The following ENOX1 variants were observed in gnomAD, a reference collection of about 807,000 sequenced individuals.
ENOX1 encodes the protein candidate growth-related and time keeping constitutive hydroquinone (NADH) oxidase.
A neutral mutation model predicts 82.5 loss-of-function variants in ENOX1; 42 were observed. The observed-to-expected ratio is 0.51, with a 90% CI of 0.40 to 0.66. The LOEUF is 0.66. Among genes scored for constraint, ENOX1 ranks in the 30% least tolerant of loss-of-function variants. The pLI, the probability that ENOX1 is intolerant of heterozygous loss-of-function variation, is 0.00. For synonymous variants in ENOX1, 271 were observed against 282.2 expected (o/e 0.96, Z 0.40); for missense variants, 608 against 811.6 (o/e 0.75, Z 3.05).
At chr13:43,269,330 C>T (rs757069119) in intron 13 of ENOX1, 140 bp downstream of exon 13, 1 of 664,730 alleles carries the variant, frequency 1.5e-6, no homozygotes, top group Non-Finnish European at 2.7e-6. Flanking sequence ...CATAGCAAAG[C>T]TGCTAGGAAG....
intron 1 of ENOX1, among the ~76,000 whole-genome samples, chr13:43,744,657 T>TCC (rs1257029919): frequency 6.6e-6 from 1 of 152,240 alleles, no homozygotes; most frequent in Non-Finnish European, 1.5e-5. Flanking sequence ...GTGTGAACTT[T>TCC]AATATTTCCT....
chr13:43,619,764 A>C (rs2082642802), intron 2 of ENOX1, among the ~76,000 whole-genome samples: 1 of 152,148 alleles, frequency 6.6e-6, no homozygotes, highest in African/African-American at 2.4e-5. Flanking sequence ...TGCTGGCTTC[A>C]CAGAATGAAT....
At chr13:43,457,841 C>T (rs2057300568) in intron 3 of ENOX1, among the ~76,000 whole-genome samples, 1 of 152,154 alleles carries the variant, frequency 6.6e-6, no homozygotes, top group Non-Finnish European at 1.5e-5. Context: ...TTCACAATTA[C>T]ATGTCCAGAC....
intron 2 of ENOX1, among the ~76,000 whole-genome samples, chr13:43,513,902 T>G (rs1385567822): frequency 2.0e-5 from 3 of 152,180 alleles, no homozygotes; most frequent in African/African-American, 7.2e-5. Flanking sequence ...GATTCTGCAT[T>G]AATTTATTGT....
chr13:43,627,214 T>C (rs2083003198), intron 2 of ENOX1, among the ~76,000 whole-genome samples: 1 of 152,152 alleles, frequency 6.6e-6, no homozygotes, highest in East Asian at 1.9e-4. Flanking sequence ...AGTTGGTTCA[T>C]GTTTTTAATC....
At chr13:43,608,290 G>A (rs1459060584) in intron 2 of ENOX1, among the ~76,000 whole-genome samples, 3 of 152,078 alleles carry the variant, frequency 2.0e-5, no homozygotes, top group Non-Finnish European at 4.4e-5. Context: ...CCCCGAAACT[G>A]AAGTTATTTC....
At chr13:43,247,903 T>A (rs1449322113) in intron 14 of ENOX1, among the ~76,000 whole-genome samples, 5 of 70,448 alleles carry the variant, frequency 7.1e-5, no homozygotes, top group Non-Finnish European at 1.1e-4. Flanking sequence ...TTTTTTTTTT[T>A]GAGACGGAGT....
intron 2 of ENOX1, among the ~76,000 whole-genome samples, chr13:43,647,798 G>A (rs1175840459): frequency 2.6e-5 from 4 of 152,322 alleles, no homozygotes; most frequent in African/African-American, 9.6e-5. Context: ...ATGGCCTGGA[G>A]ATGGGAGATT....
intron 2 of ENOX1, among the ~76,000 whole-genome samples, chr13:43,582,181 A>T (rs1381064887): frequency 6.6e-6 from 1 of 152,200 alleles, no homozygotes; most frequent in Non-Finnish European, 1.5e-5. Context: ...TGAAAATTTT[A>T]AACTTCCCTC....
intron 2 of ENOX1, among the ~76,000 whole-genome samples, chr13:43,642,670 T>C (rs886484832): frequency 2.0e-5 from 3 of 152,192 alleles, no homozygotes; most frequent in Non-Finnish European, 4.4e-5. Context: ...ATAGACTTCA[T>C]TTCCCTCAAG....
chr13:43,245,869 G>A (rs964597135), intron 14 of ENOX1, among the ~76,000 whole-genome samples: 7 of 152,284 alleles, frequency 4.6e-5, no homozygotes, highest in Admixed American at 2.6e-4. Flanking sequence ...TTGCCGGATC[G>A]GAAGCACATA....
intron 2 of ENOX1, among the ~76,000 whole-genome samples, chr13:43,589,326 G>C (rs1020267472): frequency 4.0e-5 from 6 of 150,774 alleles, no homozygotes; most frequent in Non-Finnish European, 8.8e-5. Context: ...CAGTGAAAGA[G>C]AGCACCAAAA....
chr13:43,748,246 C>A (rs888150284), intron 1 of ENOX1, among the ~76,000 whole-genome samples: 1 of 152,166 alleles, frequency 6.6e-6, no homozygotes, highest in Non-Finnish European at 1.5e-5. Context: ...TGGACTTCAA[C>A]AGACTACCAA....
At chr13:43,709,992 A>T (rs909300814) in intron 1 of ENOX1, among the ~76,000 whole-genome samples, 12 of 152,208 alleles carry the variant, frequency 7.9e-5, no homozygotes, top group Non-Finnish European at 1.6e-4. Flanking sequence ...GAACAAGAGG[A>T]TAAGCTGCCC....
At position 43,269,483 on chromosome 13, in the gene ENOX1, A is replaced by G. The variant is rs2044566897; in HGVS notation, c.1541T>C (p.Val514Ala). 6.2e-7 allele frequency: 1 copy of G among 1,613,652 alleles called. No homozygotes were observed. Among genetic ancestry groups the G allele is most frequent in the Admixed American group, 1.7e-5 (1 of 60,012 alleles). ...EQSHTQALLK[V>A]LQEQLKGTKE... is the part of the protein sequence containing the mutation. Reference sequence around the variant, plus strand: ...TCATTCACTTACTTGTTCCTGCAGGACTTTTAGTAACGCTTGTGTATGGGA... The same window carrying G: ...TCATTCACTTACTTGTTCCTGCAGGGCTTTTAGTAACGCTTGTGTATGGGA... The change falls in exon 13 of 17, where the codon GTC (valine) becomes GCC (alanine). Residue 514 changes from valine to alanine, a missense_variant. Physicochemically the swap from Val to Ala is moderately conservative, Grantham distance 64 (BLOSUM62 0). Transcript: ENST00000690772.
chr13:43,750,675 G>T (rs1041348954), intron 1 of ENOX1, among the ~76,000 whole-genome samples: 1 of 152,124 alleles, frequency 6.6e-6, no homozygotes, highest in Non-Finnish European at 1.5e-5. Flanking sequence ...ACATCAACAG[G>T]TAGGGTAAGG....
intron 2 of ENOX1, among the ~76,000 whole-genome samples, chr13:43,509,942 C>T (rs2077304004): frequency 6.6e-6 from 1 of 151,870 alleles, no homozygotes; most frequent in Non-Finnish European, 1.5e-5. Flanking sequence ...CAGTGTTGGA[C>T]AGCCTTATAT....
intron 1 of ENOX1, among the ~76,000 whole-genome samples, chr13:43,740,551 G>T (rs879345104): frequency 7.9e-5 from 12 of 152,002 alleles, no homozygotes; most frequent in Admixed American, 4.6e-4. Flanking sequence ...GTCTCGTGGG[G>T]TTTTTTGTAC....
intron 1 of ENOX1, among the ~76,000 whole-genome samples, chr13:43,775,127 C>A (rs1408609245): frequency 1.3e-5 from 2 of 152,094 alleles, no homozygotes; most frequent in African/African-American, 4.8e-5. Flanking sequence ...GGATTACAGG[C>A]CTGAGCCACC....
Sources: allele counts gnomAD v4.1 joint callset (sites outside exome capture counted in the v4.1 genomes callset), GRCh38; gene constraint gnomAD v4.1.1; transcripts MANE v1.5; gene names NCBI Gene and HGNC (gene_info 2026-07-23, HGNC 2026-07-21).